The following CHD7 variants were observed in gnomAD, a reference collection of about 807,000 sequenced individuals.
The protein encoded by CHD7 is ATP-dependent chromatin remodeler CHD7.
CHD7 carries 24 observed loss-of-function variants against 307.3 expected under a neutral mutation model. The ratio of observed to expected loss-of-function variants is 0.08; its 90% CI spans 0.06 to 0.11. CHD7 has a LOEUF of 0.11. Ranked by LOEUF, CHD7 falls within the 10% of genes least tolerant of loss-of-function variation. The probability of loss-of-function intolerance (pLI) is 1.00; values close to 1 mark genes in which losing one functional copy is unlikely to be tolerated. For missense variants in CHD7, 3,106 were observed against 3,727.1 expected, an observed-to-expected ratio of 0.83 and a Z score of 4.34; for synonymous variants, 1,363 against 1,349.9, an observed-to-expected ratio of 1.01 and a Z score of -0.21.
intron 3 of CHD7, among the ~76,000 whole-genome samples, chr8:60,793,299 A>G (rs1013549743): frequency 1.3e-5 from 2 of 152,124 alleles, no homozygotes; most frequent in African/African-American, 2.4e-5. Flanking sequence ...TTTCGGAGAC[A>G]GTTTTTAGAG....
chr8:60,800,305 T>A, intron 4 of CHD7, 83 bp from the exon 5 acceptor site: 1 of 1,426,292 alleles, frequency 7.0e-7, no homozygotes. Context: ...GTGCTGGGAT[T>A]ACAGGCGTGA....
At chr8:60,763,842 T>A (rs2150627216) in intron 2 of CHD7, among the ~76,000 whole-genome samples, 1 of 152,260 alleles carries the variant, frequency 6.6e-6, no homozygotes, top group African/African-American at 2.4e-5. Context: ...GCTGTCTTCT[T>A]GGGCTTCAGT....
intron 2 of CHD7, among the ~76,000 whole-genome samples, chr8:60,772,029 A>G (rs1810737535): frequency 6.6e-6 from 1 of 152,210 alleles, no homozygotes; most frequent in Admixed American, 6.5e-5. Context: ...AGGTCCCTCC[A>G]TAGTCAGAAG....
At chr8:60,718,831 A>G (rs34271006) in intron 1 of CHD7, among the ~76,000 whole-genome samples, 465 of 152,346 alleles carry the variant, frequency 3.1e-3, no homozygotes, top group Non-Finnish European at 5.0e-3. Context: ...CTAGTTTACA[A>G]GCTCCATTCA....
chr8:60,852,095 C>T lies in CHD7; in HGVS notation c.5742C>T (p.Arg1914=), dbSNP rs1221635094. 2 of 1,614,024 alleles carry T rather than the reference C, an allele frequency of 1.2e-6. No individual in the cohort carries two copies. Among genetic ancestry groups the T allele is most frequent in the East Asian group, 4.5e-5 (2 of 44,890 alleles). The change falls in exon 29 of 38, where the codon CGC becomes CGT. Residue 1914 remains arginine, a synonymous_variant. Coordinates refer to ENST00000423902, the MANE Select transcript of CHD7 (RefSeq NM_017780.4). ...CTTCAACCCTGACTACACGTCTGCGCCGGCTCATTACTGCCTATCAGCGCA... is the reference window on the plus strand; with the variant it reads ...CTTCAACCCTGACTACACGTCTGCGTCGGCTCATTACTGCCTATCAGCGCA... ...PNTSTLTTRL[R]RLITAYQRSY... is the part of the protein sequence containing the mutation.
chr8:60,700,992 G>A (rs895655566), intron 1 of CHD7, among the ~76,000 whole-genome samples: 16 of 152,216 alleles, frequency 1.1e-4, no homozygotes, highest in African/African-American at 3.9e-4. Flanking sequence ...AGCTGAGTGA[G>A]GTTGTGATAA....
chr8:60,781,399 A>G lies in CHD7; in HGVS notation c.2065A>G (p.Thr689Ala), dbSNP rs1811223360. The G allele has an allele frequency of 6.5e-7, 1 of 1,532,956 alleles. No individual in the cohort carries two copies. The highest frequency in any genetic ancestry group is 1.4e-5 in the African/African-American group (1 of 70,910). The allele number at this position is 1,532,956 out of a possible 1,614,324, so 95.0% of individuals were successfully genotyped here. The change falls in exon 3 of 38, where the codon ACG becomes GCG. Residue 689 changes from threonine (T) to alanine (A), a missense_variant. This residue lies in a region of CHD7 where 998 missense variants were observed against 1,004.5 expected (regional missense o/e 0.99). Transcript: ENST00000423902. ...AAAGGAAAAGAAAGCAAAAACTGCC[A>G]CGCCAAAACCCAAATCCAGCAAAAA... ...EPKEKKAKTA[T>A]PKPKSSKKSS...
At chr8:60,714,033 C>T (rs1319991443) in intron 1 of CHD7, among the ~76,000 whole-genome samples, 1 of 152,028 alleles carries the variant, frequency 6.6e-6, no homozygotes, top group Non-Finnish European at 1.5e-5. Flanking sequence ...TCCAAAACCC[C>T]AGATTCAGAC....
chr8:60,808,628 G>A (rs1409311684), intron 7 of CHD7: 2 of 231,954 alleles, frequency 8.6e-6, no homozygotes, highest in Non-Finnish European at 1.7e-5. Flanking sequence ...TGTGCATAGT[G>A]TGCGAGGCCC....
At chr8:60,821,536 G>A (rs1804031666) in intron 9 of CHD7, among the ~76,000 whole-genome samples, 1 of 150,252 alleles carries the variant, frequency 6.7e-6, no homozygotes, top group African/African-American at 2.5e-5. Context: ...ACATGTATAT[G>A]TATATATGTA....
intron 1 of CHD7, among the ~76,000 whole-genome samples, chr8:60,723,355 G>GT (rs149282617): frequency 0.023 from 3,493 of 152,084 alleles, 55 homozygotes; most frequent in Non-Finnish European, 0.035. Flanking sequence ...TTTTTCAGTT[G>GT]TTTTTTTCTC....
Position 60,856,056 on chromosome 8 carries a change from T to C in CHD7, c.7018T>C (p.Phe2340Leu), listed in dbSNP as rs766773531. 1.9e-6 allele frequency: 3 copies of C among 1,611,662 alleles called. No individual in the cohort carries two copies. The Admixed American group carries it at 5.0e-5, about 27-fold the overall frequency. The change falls in exon 33 of 38, where the codon TTT becomes CTT. Residue 2340 changes from phenylalanine (F) to leucine (L), a missense_variant. Phe to Leu is a conservative substitution (Grantham distance 22). This residue lies in a region of CHD7 where 1,030 missense variants were observed against 1,165.4 expected (regional missense o/e 0.88). Coordinates refer to ENST00000423902, the MANE Select transcript of CHD7 (RefSeq NM_017780.4). ...GKWPVNRRQM[F>L]DFQGLIPGYT... ...ATGGCCAGTAAATAGGCGCCAGATG[T>C]TTGATTTCCAAGGCCTCATCCCAGG...
At chr8:60,752,948 T>C (rs964687158) in intron 2 of CHD7, among the ~76,000 whole-genome samples, 1 of 152,204 alleles carries the variant, frequency 6.6e-6, no homozygotes, top group Non-Finnish European at 1.5e-5. Flanking sequence ...ATAGATAATA[T>C]CTAAGTAACC....
At chr8:60,754,459 G>T (rs1388990210) in intron 2 of CHD7, among the ~76,000 whole-genome samples, 1 of 152,160 alleles carries the variant, frequency 6.6e-6, no homozygotes, top group South Asian at 2.1e-4. Context: ...TTATCAAAAT[G>T]AGCTTTTGGA....
At position 60,821,912 on chromosome 8, in the gene CHD7, G is replaced by A. The variant is rs539734440; in HGVS notation, c.2820G>A (p.Pro940=). 21 of 1,612,822 alleles carry A rather than the reference G, an allele frequency of 1.3e-5. No individual in the cohort carries two copies. Among genetic ancestry groups the A allele is most frequent in the African/African-American group, 1.1e-4 (8 of 74,950 alleles). Residue 940 remains proline (P), a synonymous_variant, in exon 10 of 38, where the codon CCG becomes CCA. Coordinates refer to ENST00000423902, the MANE Select transcript of CHD7 (RefSeq NM_017780.4). ...EEFEKLMSRE[P]ETERVERPPA... is the part of the protein sequence containing the mutation. The stretch of plus-strand genomic sequence containing the variant: ...TTGAGAAACTAATGTCCAGGGAGCC[G>A]GAAACAGAGCGTGTGGTAAGAATTG...
At chr8:60,709,715 T>C (rs928909798) in intron 1 of CHD7, among the ~76,000 whole-genome samples, 6 of 152,324 alleles carry the variant, frequency 3.9e-5, no homozygotes, top group East Asian at 3.9e-4. Context: ...TTTGAGATGA[T>C]TGATATTTTA....
rs565160958 is a variant in CHD7 at position 60,741,330 on chromosome 8, A to C, written c.-103A>C. ...AAAGAAATATGGAATGACATGAAGA[A>C]GATTAGTTAAGGATTATAGGCTTTG... On this transcript the variant is annotated 5_prime_UTR_variant, in exon 2 of 38. Transcript: ENST00000423902. The C allele has an allele frequency of 1.3e-4, 103 of 784,082 alleles. No homozygotes were observed. In the African/African-American group the frequency reaches 1.7e-3, roughly 13 times the overall value. 48.6% of individuals were successfully genotyped at this position (784,082 alleles called of 1,614,324 possible).
chr8:60,859,393 C>G (rs1256485090), intron 34 of CHD7, among the ~76,000 whole-genome samples: 10 of 152,244 alleles, frequency 6.6e-5, no homozygotes, highest in African/African-American at 2.4e-4. Context: ...CAAGCTGGCA[C>G]TATTCCCTGT....
intron 1 of CHD7, among the ~76,000 whole-genome samples, chr8:60,685,274 G>A (rs1391697618): frequency 6.6e-6 from 1 of 152,208 alleles, no homozygotes; most frequent in African/African-American, 2.4e-5. Context: ...GTTCATCAAG[G>A]AATGTGAATG....
Sources: allele counts gnomAD v4.1 joint callset (sites outside exome capture counted in the v4.1 genomes callset), GRCh38; gene constraint gnomAD v4.1.1; regional missense constraint gnomAD v4.1.1; transcripts MANE v1.5; gene names NCBI Gene and HGNC (gene_info 2026-07-23, HGNC 2026-07-21).